SLC17A7: variants seen among roughly 807,000 people sequenced by gnomAD.
The protein encoded by SLC17A7 is solute carrier family 17 member 7.
A neutral mutation model predicts 59.1 loss-of-function variants in SLC17A7; 15 were observed. The ratio of observed to expected loss-of-function variants is 0.25; its 90% CI spans 0.17 to 0.39. The LOEUF is 0.39. Among genes scored for constraint, SLC17A7 ranks in the 10% least tolerant of loss-of-function variants. SLC17A7 has a pLI of 1.00. For missense variants in SLC17A7, 499 were observed against 765.1 expected (o/e 0.65, Z 4.10); for synonymous variants, 353 against 308.9 (o/e 1.14, Z -1.50).
Position 49,433,328 on chromosome 19 carries a change from C to A in SLC17A7, c.868-368G>T. The stretch of plus-strand genomic sequence containing the variant: ...CAAGCTGGTCTGGAACTCCTGGGCT[C>A]AAGCGATCCTGCAGCCTCCACCCCC... On this transcript the variant is annotated intron_variant, in intron 7 of 11. Coordinates refer to ENST00000221485, the MANE Select transcript of SLC17A7 (RefSeq NM_020309.4). This position sits in a 1 kb window ranked among gnomAD's most constrained non-coding sequence, Gnocchi z 5.7. The A allele has an allele frequency of 2.4e-6, 1 of 413,602 alleles. No homozygotes were observed. Among genetic ancestry groups the A allele is most frequent in the South Asian group, 2.4e-5 (1 of 41,892 alleles). 25.6% of individuals were successfully genotyped at this position (413,602 alleles called of 1,614,324 possible).
Position 49,436,566 on chromosome 19 carries a change from C to T in SLC17A7, c.298G>A (p.Gly100Ser), listed in dbSNP as rs766425360. The change falls in exon 2 of 12, where the codon GGC (glycine) becomes AGC (serine). Residue 100 changes from glycine (G) to serine (S), a missense_variant. Around this residue, in one of 3 missense-constraint regions of SLC17A7, gnomAD observed 323 missense variants for 607.2 expected, o/e 0.53. Coordinates refer to ENST00000221485, the MANE Select transcript of SLC17A7 (RefSeq NM_020309.4). The surrounding 1 kb of genome is among the most constrained non-coding windows in gnomAD (Gnocchi z 4.1). ...MVNNSTTHRGGHVVVQKAQFS... is the reference protein window; with the variant it reads ...MVNNSTTHRGSHVVVQKAQFS... ...TGAGCTACCTGCACCACCACGTGGC[C>T]CCCGCGGTGGGTCGTGCTGTTATTG... 31 of 1,613,470 alleles carry T rather than the reference C, an allele frequency of 1.9e-5. No individual in the cohort carries two copies. Among genetic ancestry groups the T allele is most frequent in the Non-Finnish European group, 2.5e-5 (29 of 1,179,970 alleles).
At position 49,432,951 on chromosome 19, in the gene SLC17A7, T is replaced by C; in HGVS notation, c.877A>G (p.Thr293Ala). The C allele has an allele frequency of 6.2e-7, 1 of 1,606,646 alleles. No individual in the cohort carries two copies. The highest frequency in any genetic ancestry group is 8.5e-7 in the Non-Finnish European group (1 of 1,177,062). The change falls in exon 8 of 12, where the codon ACT (threonine) becomes GCT (alanine). Residue 293 changes from threonine (T) to alanine (A), a missense_variant. Physicochemically the swap from Thr to Ala is moderately conservative, Grantham distance 58. This residue lies in a region of SLC17A7 where 323 missense variants were observed against 607.2 expected (regional missense o/e 0.53). Coordinates refer to ENST00000221485, the MANE Select transcript of SLC17A7 (RefSeq NM_020309.4). ...GACGTGAAGAAGCGCCGCCAGGGAG[T>C]GCTAAACTTCTGTGGGGGCGAGGGG... ...KLMNPLTKFS[T>A]PWRRFFTSMP... is the part of the protein sequence containing the mutation.
At chr19:49,437,183 G>A (rs898394489) in intron 1 of SLC17A7, 28 of 298,590 alleles carry the variant, frequency 9.4e-5, no homozygotes, top group Non-Finnish European at 1.7e-4. Context: ...GTCTATTCGA[G>A]GAAGCAAAAG....
rs762222328 is a variant in SLC17A7, at chr19:49,441,318, C to A, written c.62G>T (p.Arg21Leu). The A allele has an allele frequency of 1.2e-6, 2 of 1,610,066 alleles. No individual in the cohort carries two copies. Among genetic ancestry groups the A allele is most frequent in the Non-Finnish European group, 8.5e-7 (1 of 1,178,948 alleles). The change falls in exon 1 of 12, where the codon CGC becomes CTC. Residue 21 changes from arginine to leucine, a missense_variant and splice_region_variant. Around this residue, in one of 3 missense-constraint regions of SLC17A7, gnomAD observed 78 missense variants for 80.4 expected, o/e 0.97. Coordinates refer to ENST00000221485, the MANE Select transcript of SLC17A7 (RefSeq NM_020309.4). Reference sequence around the variant, plus strand: ...CTCCCGGGACCCCCGCCAGGCTCACCGGTGCAGCTTCCCGAGAGCACGACC... The same window carrying A: ...CTCCCGGGACCCCCGCCAGGCTCACAGGTGCAGCTTCCCGAGAGCACGACC... ...LAGRALGKLH[R>L]LLEKRQEGAE...
At chr19:49,434,964 G>A in intron 3 of SLC17A7, 82 bp from the exon 4 acceptor site, 1 of 1,384,970 alleles carries the variant, frequency 7.2e-7, no homozygotes. Context: ...AGCAAGCTAG[G>A]CCCAGTGGTC....
At chr19:49,434,101 G>C in intron 5 of SLC17A7, 55 bp from the exon 6 acceptor site, 2 of 1,167,870 alleles carry the variant, frequency 1.7e-6, no homozygotes, top group Non-Finnish European at 2.6e-6. Context: ...AGATCAAGGA[G>C]TGCGGACCCC....
At chr19:49,435,136 T>C in intron 3 of SLC17A7, 32 bp downstream of exon 3, 1 of 1,512,796 alleles carries the variant, frequency 6.6e-7, no homozygotes, top group South Asian at 1.1e-5. Flanking sequence ...ACAACTGTAG[T>C]TACCGCCCAC....
In SLC17A7 at chr19:49,431,543, A is replaced by G; in HGVS notation, c.1151-95T>C. 9.8e-7 allele frequency: 1 copy of G among 1,016,582 alleles called. No individual in the cohort carries two copies. Among genetic ancestry groups the G allele is most frequent in the South Asian group, 1.4e-5 (1 of 69,694 alleles). The allele number at this position is 1,016,582 out of a possible 1,614,324, so 63.0% of individuals were successfully genotyped here. A position where few individuals can be genotyped will look rare whatever the true frequency, so the allele number is the denominator to read the frequency against. ...CCCTTCCAGACCTGCTCCAGCCCCA[A>G]ACCGCGTCTATCCACCCCAGTCTGG... On this transcript the variant is annotated intron_variant, in intron 9 of 11. Coordinates refer to ENST00000221485, the MANE Select transcript of SLC17A7 (RefSeq NM_020309.4). This position sits in a 1 kb window ranked among gnomAD's most constrained non-coding sequence, Gnocchi z 4.6.
rs761534427 is a variant in SLC17A7, at chr19:49,430,664, T to G, written c.1538A>C (p.His513Pro). Residue 513 changes from histidine (H) to proline (P), a missense_variant, in exon 12 of 12, where the codon CAT (histidine) becomes CCT (proline). This residue lies in a region of SLC17A7 where 98 missense variants were observed against 77.5 expected (regional missense o/e 1.27). Coordinates refer to ENST00000221485, the MANE Select transcript of SLC17A7 (RefSeq NM_020309.4). ...GTCGTCACTGCCAGCCAGCTGGTCA[T>G]GGCCAACGAAGCCACACTTCTCCTC... ...MSEEKCGFVG[H>P]DQLAGSDDSE... The G allele has an allele frequency of 6.2e-7, 1 of 1,614,126 alleles. No individual in the cohort carries two copies. The highest frequency in any genetic ancestry group is 8.5e-7 in the Non-Finnish European group (1 of 1,180,004).
chr19:49,436,587 T>C lies in SLC17A7; in HGVS notation c.277A>G (p.Asn93Asp), dbSNP rs1300928334. Reference sequence around the variant, plus strand: ...TGGCCCCCGCGGTGGGTCGTGCTGTTATTGACCATGGAGACGATGGCCACG... The same window carrying C: ...TGGCCCCCGCGGTGGGTCGTGCTGTCATTGACCATGGAGACGATGGCCACG... ...LGVAIVSMVN[N>D]STTHRGGHVV... The change falls in exon 2 of 12, where the codon AAC becomes GAC. Residue 93 changes from asparagine (N) to aspartate (D), a missense_variant. Coordinates refer to ENST00000221485, the MANE Select transcript of SLC17A7 (RefSeq NM_020309.4). The surrounding 1 kb of genome is among the most constrained non-coding windows in gnomAD (Gnocchi z 4.1). 1 of 1,613,688 alleles carries C rather than the reference T, an allele frequency of 6.2e-7. No individual in the cohort carries two copies. The highest frequency in any genetic ancestry group is 8.5e-7 in the Non-Finnish European group (1 of 1,179,976).
rs1399408824 is a variant in SLC17A7, at chr19:49,436,434, G to T, written c.315+115C>A. 6 of 1,379,414 alleles carry T rather than the reference G, an allele frequency of 4.3e-6. No homozygotes were observed. The highest frequency in any genetic ancestry group is 9.9e-7 in the Non-Finnish European group (1 of 1,011,572). 85.4% of individuals were successfully genotyped at this position (1,379,414 alleles called of 1,614,324 possible). A position where few individuals can be genotyped will look rare whatever the true frequency, so the allele number is the denominator to read the frequency against. ...CGGATTGGGCGGAGCTATTCCGACA[G>T]CGTTTCGGAAGGGGCGTGGCCTGGA... On this transcript the variant is annotated intron_variant, in intron 2 of 11. Coordinates refer to ENST00000221485, the MANE Select transcript of SLC17A7 (RefSeq NM_020309.4). This position sits in a 1 kb window ranked among gnomAD's most constrained non-coding sequence, Gnocchi z 4.1.
intron 1 of SLC17A7, chr19:49,438,456 G>C (rs1043262642): frequency 6.6e-6 from 1 of 152,496 alleles, no homozygotes. Context: ...AGATGGAGGC[G>C]AGGGAGACTG....
intron 5 of SLC17A7, 106 bp from the exon 6 acceptor site, chr19:49,434,152 G>T: frequency 1.3e-6 from 1 of 764,882 alleles, no homozygotes; most frequent in Admixed American, 2.1e-5. Context: ...ACAGGCCACA[G>T]CCCCTCCTCC....
In SLC17A7 at chr19:49,429,500, C is replaced by A; in HGVS notation, c.*1019G>T. ...ACAACCCTGCACTGGGAAAAAACAC[C>A]CCTGGCTCCTGCCCCATTCCCTTTC... On this transcript the variant is annotated 3_prime_UTR_variant, in exon 12 of 12. Coordinates refer to ENST00000221485, the MANE Select transcript of SLC17A7 (RefSeq NM_020309.4). 1 of 398,964 alleles carries A rather than the reference C, an allele frequency of 2.5e-6. No individual in the cohort carries two copies. Among genetic ancestry groups the A allele is most frequent in the Non-Finnish European group, 4.4e-6 (1 of 226,080 alleles). 24.7% of individuals were successfully genotyped at this position (398,964 alleles called of 1,614,324 possible).
In SLC17A7 at chr19:49,441,425, A is replaced by G. The variant is rs2078999622; in HGVS notation, c.-46T>C. 5 of 1,422,938 alleles carry G rather than the reference A, an allele frequency of 3.5e-6. No homozygotes were observed. The Admixed American group carries it at 7.8e-5, about 22-fold the overall frequency. The allele number at this position is 1,422,938 out of a possible 1,614,324, so 88.1% of individuals were successfully genotyped here. A position where few individuals can be genotyped will look rare whatever the true frequency, so the allele number is the denominator to read the frequency against. On this transcript the variant is annotated 5_prime_UTR_variant, in exon 1 of 12. Transcript: ENST00000221485. The stretch of plus-strand genomic sequence containing the variant: ...GTCACCCCGCGGGTCCCCCCCGCCG[A>G]TCCCCCCGCCCGCGGGCCCGGGCGG...
chr19:49,441,174 C>T, intron 1 of SLC17A7, 144 bp downstream of exon 1: 2 of 1,469,694 alleles, frequency 1.4e-6, no homozygotes, highest in East Asian at 2.7e-5. Flanking sequence ...ACAGCGCCGT[C>T]GGAGCCCACG....
At chr19:49,439,057 T>C (rs2914658) in intron 1 of SLC17A7, among the ~76,000 whole-genome samples, 125,226 of 151,994 alleles carry the variant, frequency 0.82, 52,314 homozygotes, top group African/African-American at 0.88. Flanking sequence ...ACCCTAGATG[T>C]AAATCCCCCT....
Position 49,436,869 on chromosome 19 carries a change from ATCC to A in SLC17A7, c.63-71_63-69del. 6.5e-7 allele frequency: 1 copy of A among 1,534,002 alleles called. No individual in the cohort carries two copies. Among genetic ancestry groups the A allele is most frequent in the Non-Finnish European group, 8.7e-7 (1 of 1,150,418 alleles). ...CAGCCCCCTCACCCCCAAGACCAGG[ATCC>A]AGGGCAAAACCTGCTTTTCAACATC... On this transcript the variant is annotated intron_variant, in intron 1 of 11. Transcript: ENST00000221485. The surrounding 1 kb of genome is among the most constrained non-coding windows in gnomAD (Gnocchi z 4.1).
chr19:49,434,059 A>G lies in SLC17A7; in HGVS notation c.638-13T>C, dbSNP rs199650774. 3.9e-4 allele frequency: 613 copies of G among 1,589,988 alleles called. 2 individuals are homozygous for G. The African/African-American group carries it at 6.4e-3, about 17-fold the overall frequency. ...CCAGCATAGGAACCTAAGGGGGAGG[A>G]TGCGGGGGAGAGAACAGGCCCATCT... is the stretch of plus-strand genomic sequence containing the variant. On this transcript the variant is annotated splice_polypyrimidine_tract_variant and intron_variant, in intron 5 of 11. Transcript: ENST00000221485.
Sources: allele counts gnomAD v4.1 joint callset (sites outside exome capture counted in the v4.1 genomes callset), GRCh38; gene constraint gnomAD v4.1.1; regional missense constraint gnomAD v4.1.1; non-coding constraint Gnocchi (gnomAD v3.1); transcripts MANE v1.5; gene names NCBI Gene and HGNC (gene_info 2026-07-23, HGNC 2026-07-21).